The following CFH variants were observed in gnomAD, a reference collection of about 807,000 sequenced individuals.
The protein encoded by CFH is complement factor H, also known as H factor 1 (complement).
A neutral mutation model predicts 147.3 loss-of-function variants in CFH; 53 were observed. The ratio of observed to expected loss-of-function variants is 0.36; its 90% CI spans 0.29 to 0.45. CFH has a LOEUF of 0.45. CFH is among the 20% of genes least tolerant of loss of function. The probability of loss-of-function intolerance (pLI) is 1.00; values close to 1 mark genes in which losing one functional copy is unlikely to be tolerated. For synonymous variants in CFH, 536 were observed against 489.4 expected (o/e 1.10, Z -1.26); for missense variants, 1,380 against 1,498.0 (o/e 0.92, Z 1.30).
chr1:196,664,050 T>C (rs969324682), intron 1 of CFH, among the ~76,000 whole-genome samples: 9 of 149,878 alleles, frequency 6.0e-5, no homozygotes, highest in African/African-American at 1.8e-4. Context: ...TCAAAACATA[T>C]GTTTTCCTGT....
intron 11 of CFH, 95 bp from the exon 12 acceptor site, chr1:196,725,026 C>G (rs1669102895): frequency 1.9e-6 from 2 of 1,026,810 alleles, no homozygotes; most frequent in Non-Finnish European, 3.0e-6. Context: ...CTCTGTATGA[C>G]CCAATATCAA....
chr1:196,743,532 A>G lies in CFH; in HGVS notation c.3214A>G (p.Arg1072Gly), dbSNP rs763248314. Reference sequence around the variant, plus strand: ...GATGAGTAAATATCCATCTGGTGAGAGAGTACGTTATCAATGTAGGAGCCC... The same window carrying G: ...GATGAGTAAATATCCATCTGGTGAGGGAGTACGTTATCAATGTAGGAGCCC... Reference protein sequence around the residue: ...RQMSKYPSGERVRYQCRSPYE... With the variant: ...RQMSKYPSGEGVRYQCRSPYE... Residue 1072 changes from arginine to glycine, a missense_variant, in exon 20 of 22, where the codon AGA (arginine) becomes GGA (glycine). This residue lies in a region of CFH where 830 missense variants were observed against 821.4 expected (regional missense o/e 1.01). Transcript: ENST00000367429. The G allele has an allele frequency of 1.2e-5, 20 of 1,613,946 alleles. No individual in the cohort carries two copies. The highest frequency in any genetic ancestry group is 1.6e-5 in the Non-Finnish European group (19 of 1,179,952).
chr1:196,745,815 A>G lies in CFH; in HGVS notation c.3311-2A>G. On this transcript the variant is annotated splice_acceptor_variant, in intron 20 of 21. Transcript: ENST00000367429. LOFTEE classifies it high-confidence loss of function. ...ATCAAGTGATGAAATGATGTTTTTT[A>G]GATTCTACAGGAAAATGTGGGCCCC... is the stretch of plus-strand genomic sequence containing the variant. 6.2e-7 allele frequency: 1 copy of G among 1,614,050 alleles called. No homozygotes were observed. Among genetic ancestry groups the G allele is most frequent in the Non-Finnish European group, 8.5e-7 (1 of 1,179,944 alleles).
chr1:196,713,954 T>C (rs1668784563), intron 10 of CFH, 37 bp downstream of exon 10: 2 of 1,573,758 alleles, frequency 1.3e-6, no homozygotes, highest in East Asian at 2.3e-5. Context: ...ATTATCCAGA[T>C]GATACACAAA....
intron 15 of CFH, among the ~76,000 whole-genome samples, chr1:196,733,571 A>G (rs1443015990): frequency 6.6e-6 from 1 of 152,138 alleles, no homozygotes; most frequent in Non-Finnish European, 1.5e-5. Flanking sequence ...CTCTTGGGCA[A>G]TGAAGCTCCT....
At chr1:196,740,379 A>C (rs927058888) in intron 17 of CFH, among the ~76,000 whole-genome samples, 1 of 152,144 alleles carries the variant, frequency 6.6e-6, no homozygotes, top group Non-Finnish European at 1.5e-5. Flanking sequence ...CCAGGCATAG[A>C]TGATCTCTTT....
intron 1 of CFH, among the ~76,000 whole-genome samples, chr1:196,666,253 T>C (rs1397746554): frequency 1.3e-5 from 2 of 152,200 alleles, no homozygotes; most frequent in Non-Finnish European, 2.9e-5. Flanking sequence ...ATCATCACTA[T>C]TATTTGCTGT....
At chr1:196,678,129 G>T (rs1010020995) in intron 5 of CFH, 2 of 172,062 alleles carry the variant, frequency 1.2e-5, no homozygotes, top group African/African-American at 4.8e-5. Flanking sequence ...TATTTCCAGA[G>T]ATACATTAGA....
At chr1:196,723,670 A>T (rs1669057044) in intron 11 of CFH, among the ~76,000 whole-genome samples, 1 of 151,984 alleles carries the variant, frequency 6.6e-6, no homozygotes, top group African/African-American at 2.4e-5. Context: ...GGAGCTGGGG[A>T]CAAAGCGGGA....
intron 1 of CFH, among the ~76,000 whole-genome samples, chr1:196,656,692 T>G (rs1558148002): frequency 6.6e-6 from 1 of 151,744 alleles, no homozygotes; most frequent in Non-Finnish European, 1.5e-5. Flanking sequence ...TTGCGTTTTT[T>G]TTTTTTTTTC....
intron 21 of CFH, among the ~76,000 whole-genome samples, chr1:196,746,536 G>C (rs105980): frequency 0.059 from 8,969 of 151,910 alleles, 850 homozygotes; most frequent in African/African-American, 0.2. Context: ...AATATATTTT[G>C]ATGTTTGACA....
intron 7 of CFH, among the ~76,000 whole-genome samples, chr1:196,685,860 C>A (rs1667808513): frequency 6.6e-6 from 1 of 152,026 alleles, no homozygotes; most frequent in Admixed American, 6.6e-5. Context: ...GCCACAATAC[C>A]ATGTATTAGT....
chr1:196,735,127 C>CAG (rs1229109304), intron 15 of CFH, among the ~76,000 whole-genome samples: 5 of 151,902 alleles, frequency 3.3e-5, no homozygotes, highest in African/African-American at 1.2e-4. Flanking sequence ...TGTCGGGAGA[C>CAG]AGAGAGAGAG....
chr1:196,668,837 C>T (rs1390939258), intron 1 of CFH, among the ~76,000 whole-genome samples: 1 of 152,046 alleles, frequency 6.6e-6, no homozygotes, highest in Non-Finnish European at 1.5e-5. Context: ...GCAAAATGGA[C>T]TAATACAGTA....
chr1:196,672,207 C>A (rs1329652463), intron 1 of CFH, among the ~76,000 whole-genome samples: 1 of 152,116 alleles, frequency 6.6e-6, no homozygotes, highest in Non-Finnish European at 1.5e-5. Context: ...TCCATTCAGA[C>A]TAAATAGAGG....
At chr1:196,675,599 T>C (rs994571948) in intron 3 of CFH, among the ~76,000 whole-genome samples, 1 of 152,144 alleles carries the variant, frequency 6.6e-6, no homozygotes, top group Admixed American at 6.6e-5. Context: ...TACTATATTA[T>C]TGAATTTAGC....
At chr1:196,689,051 T>A (rs551612253) in intron 7 of CFH, among the ~76,000 whole-genome samples, 3 of 150,974 alleles carry the variant, frequency 2.0e-5, no homozygotes, top group African/African-American at 7.3e-5. Flanking sequence ...AAGAAAGAAA[T>A]ACATGAGCTA....
chr1:196,690,708 T>A (rs1667993560), intron 9 of CFH, among the ~76,000 whole-genome samples: 2 of 151,970 alleles, frequency 1.3e-5, no homozygotes, highest in South Asian at 2.1e-4. Flanking sequence ...CCTGGTGGAG[T>A]GCACTGGATT....
intron 11 of CFH, among the ~76,000 whole-genome samples, chr1:196,720,799 G>T (rs1267781464): frequency 2.0e-5 from 3 of 151,662 alleles, no homozygotes; most frequent in Non-Finnish European, 4.4e-5. Flanking sequence ...TATGATAATT[G>T]ATTTCCTTTG....
Sources: gnomAD v4.1 joint callset for allele counts (sites outside exome capture counted in the v4.1 genomes callset) on GRCh38, gnomAD v4.1.1 for gene constraint, gnomAD v4.1.1 regional missense constraint, MANE v1.5 for transcripts, NCBI Gene and HGNC (gene_info 2026-07-23, HGNC 2026-07-21) for gene names.